The following GSG1L variants were observed in gnomAD, a reference collection of about 807,000 sequenced individuals.
GSG1L encodes GSG1 like.
In GSG1L, 24 loss-of-function variants were observed where a neutral mutation model predicts 42.1. The ratio of observed to expected loss-of-function variants is 0.57; its 90% CI spans 0.41 to 0.80. The LOEUF (loss-of-function observed/expected upper bound fraction) is 0.80. Ranked by LOEUF, GSG1L falls within the 30% of genes least tolerant of loss-of-function variation. The pLI, the probability that GSG1L is intolerant of heterozygous loss-of-function variation, is 0.00. For missense variants in GSG1L, 445 were observed against 472.2 expected, an observed-to-expected ratio of 0.94 and a Z score of 0.53; for synonymous variants, 215 against 203.5, an observed-to-expected ratio of 1.06 and a Z score of -0.48.
At chr16:27,977,086 G>T (rs564826313) in intron 1 of GSG1L, among the ~76,000 whole-genome samples, 1 of 152,058 alleles carries the variant, frequency 6.6e-6, no homozygotes, top group Non-Finnish European at 1.5e-5. Context: ...CAAGCCCCAC[G>T]CAAAGGACTT....
At chr16:27,888,477 TCTTTCCTTTC>T (rs762475900) in intron 2 of GSG1L, among the ~76,000 whole-genome samples, 1 of 40,528 alleles carries the variant, frequency 2.5e-5, no homozygotes, top group Non-Finnish European at 6.2e-5. Context: ...TCTCTCTCTC[TCTTTCCTTTC>T]TTTCTTTCTT....
intron 3 of GSG1L, among the ~76,000 whole-genome samples, chr16:27,883,952 A>C (rs1224949662): frequency 6.6e-6 from 1 of 152,174 alleles, no homozygotes; most frequent in East Asian, 1.9e-4. Flanking sequence ...TCCCTGCCCA[A>C]CACACTCTTG....
At chr16:27,867,579 C>T (rs1050068528) in intron 3 of GSG1L, among the ~76,000 whole-genome samples, 2 of 152,230 alleles carry the variant, frequency 1.3e-5, no homozygotes, top group African/African-American at 4.8e-5. Flanking sequence ...CCCTTGCTCA[C>T]TGTGTGTCAG....
At chr16:28,033,036 T>A (rs1442022940) in intron 1 of GSG1L, among the ~76,000 whole-genome samples, 3 of 152,202 alleles carry the variant, frequency 2.0e-5, no homozygotes, top group Admixed American at 6.5e-5. Flanking sequence ...GTCCAAATTT[T>A]ATACTGCAGC....
At chr16:27,974,598 T>G (rs1268108143) in intron 1 of GSG1L, among the ~76,000 whole-genome samples, 1 of 152,250 alleles carries the variant, frequency 6.6e-6, no homozygotes, top group Non-Finnish European at 1.5e-5. Context: ...ATACCCACCA[T>G]AGCCTTAAAG....
chr16:27,994,184 G>C (rs141501848), intron 1 of GSG1L, among the ~76,000 whole-genome samples: 1 of 152,152 alleles, frequency 6.6e-6, no homozygotes, highest in Non-Finnish European at 1.5e-5. Context: ...GTGCATTGGC[G>C]AGACTGTAAC....
At chr16:27,896,924 C>T (rs2141038119) in intron 2 of GSG1L, among the ~76,000 whole-genome samples, 1 of 151,458 alleles carries the variant, frequency 6.6e-6, no homozygotes, top group Admixed American at 6.6e-5. Context: ...AGTGCAGTGG[C>T]ACGATCTCAG....
chr16:27,934,161 A>T (rs1230403897), intron 2 of GSG1L, among the ~76,000 whole-genome samples: 2 of 152,216 alleles, frequency 1.3e-5, no homozygotes, highest in Non-Finnish European at 2.9e-5. Context: ...ACTCCCCGCC[A>T]ACACTACTAC....
At chr16:28,007,671 C>T (rs1179076746) in intron 1 of GSG1L, among the ~76,000 whole-genome samples, 2 of 152,110 alleles carry the variant, frequency 1.3e-5, no homozygotes, top group Non-Finnish European at 2.9e-5. Flanking sequence ...CACCACCACA[C>T]CCAGCTAATT....
intron 5 of GSG1L, among the ~76,000 whole-genome samples, chr16:27,808,225 A>G (rs1294093273): frequency 1.3e-5 from 2 of 152,134 alleles, no homozygotes; most frequent in African/African-American, 4.8e-5. Context: ...AGGTAGGACT[A>G]CAAGTGTGTG....
At chr16:27,869,820 TCTCTCTGTCTCC>T in intron 3 of GSG1L, among the ~76,000 whole-genome samples, 2 of 148,010 alleles carry the variant, frequency 1.4e-5, no homozygotes, top group Non-Finnish European at 1.5e-5. Context: ...TCCATCTCTC[TCTCTCTGTCTCC>T]CTCCATCTCT....
chr16:27,865,510 T>C (rs1197770220), intron 3 of GSG1L, among the ~76,000 whole-genome samples: 1 of 129,728 alleles, frequency 7.7e-6, no homozygotes, highest in Non-Finnish European at 1.6e-5. Context: ...CTTCTTTCTT[T>C]CTCTCTCTCT....
intron 1 of GSG1L, among the ~76,000 whole-genome samples, chr16:28,020,356 A>C (rs774948713): frequency 3.3e-5 from 5 of 152,226 alleles, no homozygotes; most frequent in Non-Finnish European, 7.3e-5. Context: ...CTACATTTGC[A>C]AAATTAAGCA....
At chr16:27,980,901 C>CAAAAAAAAAAAAAAAAA (rs11390148) in intron 1 of GSG1L, among the ~76,000 whole-genome samples, 24 of 127,018 alleles carry the variant, frequency 1.9e-4, no homozygotes, top group Non-Finnish European at 3.0e-4. Context: ...AACCAAAAAA[C>CAAAAAAAAAAAAAAAAA]AAAAAAAAAA....
chr16:27,891,339 G>A (rs1223360555), intron 2 of GSG1L, among the ~76,000 whole-genome samples: 1 of 152,164 alleles, frequency 6.6e-6, no homozygotes, highest in Non-Finnish European at 1.5e-5. Context: ...TCTGTGTGGT[G>A]CTAATAGGTC....
intron 1 of GSG1L, among the ~76,000 whole-genome samples, chr16:28,001,959 T>C (rs2085582587): frequency 2.0e-5 from 3 of 152,166 alleles, no homozygotes; most frequent in African/African-American, 7.2e-5. Flanking sequence ...CGAGATGGGC[T>C]TTTAACTCTC....
At chr16:27,792,211 G>A (rs1290259060) in intron 6 of GSG1L, among the ~76,000 whole-genome samples, 9 of 152,116 alleles carry the variant, frequency 5.9e-5, no homozygotes, top group African/African-American at 2.2e-4. Context: ...TGTTGTGTAC[G>A]GATATTAGAA....
chr16:27,833,397 C>T (rs1288324474), intron 4 of GSG1L, among the ~76,000 whole-genome samples: 2 of 152,102 alleles, frequency 1.3e-5, no homozygotes, highest in Non-Finnish European at 2.9e-5. Flanking sequence ...AGTATTGTAG[C>T]TATACAATAA....
intron 1 of GSG1L, among the ~76,000 whole-genome samples, chr16:28,052,101 T>A (rs1567570705): frequency 6.6e-6 from 1 of 151,920 alleles, no homozygotes; most frequent in Non-Finnish European, 1.5e-5. Context: ...TGTTTGTGTC[T>A]GTGGGGAGAG....
Sources: allele counts gnomAD v4.1 joint callset (sites outside exome capture counted in the v4.1 genomes callset), GRCh38; gene constraint gnomAD v4.1.1; transcripts MANE v1.5; gene names NCBI Gene and HGNC (gene_info 2026-07-23, HGNC 2026-07-21).